SLC30A9: variants seen among roughly 807,000 people sequenced by gnomAD.
The protein encoded by SLC30A9 is proton-coupled zinc antiporter SLC30A9, mitochondrial.
Under a neutral mutation model 87.5 loss-of-function variants are expected in SLC30A9, and 58 were observed. The observed-to-expected ratio is 0.66, with a 90% confidence interval of 0.54 to 0.82. The LOEUF (loss-of-function observed/expected upper bound fraction) is 0.82, where lower values mean the gene tolerates loss of function less well. Ranked by LOEUF, SLC30A9 falls within the 40% of genes least tolerant of loss-of-function variation. The pLI, the probability that SLC30A9 is intolerant of heterozygous loss-of-function variation, is 0.00. For missense variants in SLC30A9, 557 were observed against 679.1 expected (o/e 0.82, Z 2.00); for synonymous variants, 234 against 233.0 (o/e 1.00, Z -0.04).
intron 2 of SLC30A9, among the ~76,000 whole-genome samples, chr4:42,009,533 C>T (rs1431305349): frequency 6.6e-6 from 1 of 152,138 alleles, no homozygotes; most frequent in Non-Finnish European, 1.5e-5. Flanking sequence ...GAGCTTAAAA[C>T]AAATGTCTAG....
intron 17 of SLC30A9, among the ~76,000 whole-genome samples, chr4:42,083,276 A>G (rs1718806475): frequency 6.6e-6 from 1 of 152,228 alleles, no homozygotes; most frequent in South Asian, 2.1e-4. Flanking sequence ...CTCTGCAAGT[A>G]TTGGAATAAA....
intron 17 of SLC30A9, among the ~76,000 whole-genome samples, chr4:42,081,026 A>G (rs544966529): frequency 1.3e-5 from 2 of 152,198 alleles, no homozygotes; most frequent in African/African-American, 4.8e-5. Context: ...TTAGCAACAA[A>G]TACTGTTGTT....
Position 42,067,077 on chromosome 4 carries a change from A to G in SLC30A9, c.1145-8A>G, listed in dbSNP as rs769629339. On this transcript the variant is annotated splice_polypyrimidine_tract_variant and splice_region_variant and intron_variant, in intron 13 of 17. Coordinates refer to ENST00000264451, the MANE Select transcript of SLC30A9 (RefSeq NM_006345.4). ...ATTTTCTTGTCTTGTCTCTTCCCCA[A>G]TGACTAGTAATGGAAAGTCGTGATC... is the stretch of plus-strand genomic sequence containing the variant. The G allele has an allele frequency of 7.1e-6, 11 of 1,555,560 alleles. No homozygotes were observed. Among genetic ancestry groups the G allele is most frequent in the Non-Finnish European group, 9.8e-6 (11 of 1,128,070 alleles).
At chr4:42,054,172 C>T (rs911278304) in intron 9 of SLC30A9, among the ~76,000 whole-genome samples, 6 of 152,072 alleles carry the variant, frequency 3.9e-5, no homozygotes, top group Admixed American at 1.3e-4. Flanking sequence ...CTGGCCAATA[C>T]GGTGAAACCC....
chr4:42,064,136 A>G (rs921862702), intron 11 of SLC30A9, among the ~76,000 whole-genome samples: 30 of 152,190 alleles, frequency 2.0e-4, no homozygotes, highest in African/African-American at 6.0e-4. Context: ...CATCAAGGCT[A>G]CTGAACAATC....
At chr4:42,025,267 G>A (rs1440625065) in intron 6 of SLC30A9, among the ~76,000 whole-genome samples, 1 of 152,166 alleles carries the variant, frequency 6.6e-6, no homozygotes, top group Non-Finnish European at 1.5e-5. Flanking sequence ...TGATGGTGAT[G>A]GTTGAACTGT....
intron 9 of SLC30A9, among the ~76,000 whole-genome samples, chr4:42,050,199 A>G (rs1431737684): frequency 1.3e-5 from 2 of 152,184 alleles, no homozygotes; most frequent in Non-Finnish European, 2.9e-5. Flanking sequence ...AACTTGTCTC[A>G]CTCACTGTCA....
intron 1 of SLC30A9, among the ~76,000 whole-genome samples, chr4:41,996,606 G>T (rs1052108826): frequency 6.6e-6 from 1 of 152,040 alleles, no homozygotes; most frequent in African/African-American, 2.4e-5. Context: ...AGCCAGGTAG[G>T]GTGGCACACG....
At chr4:42,045,409 G>T (rs1041911772) in intron 8 of SLC30A9, among the ~76,000 whole-genome samples, 1 of 151,836 alleles carries the variant, frequency 6.6e-6, no homozygotes, top group African/African-American at 2.4e-5. Flanking sequence ...GAAATACAAA[G>T]TACCATCAGA....
intron 7 of SLC30A9, among the ~76,000 whole-genome samples, chr4:42,037,239 C>CTTTTTTTTTTTTTTTTT (rs536795831): frequency 1.1e-5 from 1 of 91,194 alleles, no homozygotes; most frequent in African/African-American, 3.7e-5. Flanking sequence ...TAAATGCCTT[C>CTTTTTTTTTTTTTTTTT]TTTTTTTTTT....
intron 12 of SLC30A9, 119 bp downstream of exon 12, chr4:42,065,468 C>T: frequency 1.5e-6 from 1 of 664,916 alleles, no homozygotes; most frequent in Non-Finnish European, 2.7e-6. Flanking sequence ...GAATAGGCAT[C>T]TAAGCTTTCT....
chr4:42,001,846 T>C, intron 2 of SLC30A9, 66 bp downstream of exon 2: 1 of 1,170,616 alleles, frequency 8.5e-7, no homozygotes, highest in Non-Finnish European at 1.2e-6. Flanking sequence ...AATTATTTGT[T>C]CCCTGGATGT....
intron 17 of SLC30A9, among the ~76,000 whole-genome samples, chr4:42,081,814 A>C (rs1172659637): frequency 6.6e-6 from 1 of 152,212 alleles, no homozygotes; most frequent in Non-Finnish European, 1.5e-5. Context: ...TTGTACTTTA[A>C]CTAGAGGCTA....
At chr4:42,082,223 A>T (rs567656226) in intron 17 of SLC30A9, among the ~76,000 whole-genome samples, 84 of 89,070 alleles carry the variant, frequency 9.4e-4, no homozygotes, top group African/African-American at 2.0e-3. Flanking sequence ...TCTCAAAAAA[A>T]AAAAAAATAA....
chr4:42,011,651 G>A (rs1715451627), intron 2 of SLC30A9, among the ~76,000 whole-genome samples: 1 of 152,140 alleles, frequency 6.6e-6, no homozygotes, highest in Admixed American at 6.5e-5. Flanking sequence ...CTAATGCTAC[G>A]AAAGCCAATA....
chr4:42,047,167 T>C (rs572610356), intron 8 of SLC30A9, among the ~76,000 whole-genome samples: 1 of 152,338 alleles, frequency 6.6e-6, no homozygotes, highest in South Asian at 2.1e-4. Flanking sequence ...GACATAGGCA[T>C]GGGCAAAGAC....
At chr4:42,036,908 C>T (rs914342949) in intron 7 of SLC30A9, among the ~76,000 whole-genome samples, 3 of 152,164 alleles carry the variant, frequency 2.0e-5, no homozygotes, top group Admixed American at 6.5e-5. Flanking sequence ...CTGGTGAGAC[C>T]TGCCTCCTGG....
intron 8 of SLC30A9, among the ~76,000 whole-genome samples, chr4:42,045,303 A>G (rs1317791072): frequency 6.6e-6 from 1 of 152,192 alleles, no homozygotes; most frequent in Non-Finnish European, 1.5e-5. Flanking sequence ...CACAAAATAC[A>G]TAGACCACTA....
intron 17 of SLC30A9, among the ~76,000 whole-genome samples, chr4:42,082,020 A>G (rs2153141542): frequency 6.6e-6 from 1 of 152,198 alleles, no homozygotes; most frequent in South Asian, 2.1e-4. Context: ...GATCGAGACC[A>G]TCCTGGCTAA....
Sources: allele counts gnomAD v4.1 joint callset (sites outside exome capture counted in the v4.1 genomes callset), GRCh38; gene constraint gnomAD v4.1.1; transcripts MANE v1.5; gene names NCBI Gene and HGNC (gene_info 2026-07-23, HGNC 2026-07-21).